Variants in LY96 observed in about 807,000 individuals in gnomAD.
LY96 encodes lymphocyte antigen 96.
A neutral mutation model predicts 18.9 loss-of-function variants in LY96; 18 were observed. The observed-to-expected ratio is 0.95, with a 90% CI of 0.66 to 1.41. The LOEUF (loss-of-function observed/expected upper bound fraction) is 1.41, where lower values mean the gene tolerates loss of function less well. Among genes scored for constraint, LY96 ranks in the 40% most tolerant of loss-of-function variants. The pLI, the probability that LY96 is intolerant of heterozygous loss-of-function variation, is 0.00. For missense variants in LY96, 175 were observed against 182.4 expected (o/e 0.96, Z 0.23); for synonymous variants, 66 against 62.6 (o/e 1.06, Z -0.26).
the LY96 span, among the ~76,000 whole-genome samples, chr8:74,078,561 G>T: frequency 2.0e-5 from 3 of 152,162 alleles, no homozygotes; most frequent in African/African-American, 7.2e-5. Context: ...TCTAAGTTAG[G>T]TTGTGTTGGG....
the LY96 span, among the ~76,000 whole-genome samples, chr8:74,055,198 A>G: frequency 6.6e-6 from 1 of 152,270 alleles, no homozygotes; most frequent in South Asian, 2.1e-4. Flanking sequence ...GTGAGCCACC[A>G]TACTCGGCCA....
In LY96 at chr8:74,004,517, T is replaced by C. The variant is rs113037498; in HGVS notation, c.113-279T>C. Reference sequence around the variant, plus strand: ...ACTGGCTTTGTTGAATCTGGTTTTGTGTTCTCCTTGCATGCAGGAGTCTTT... The same window carrying C: ...ACTGGCTTTGTTGAATCTGGTTTTGCGTTCTCCTTGCATGCAGGAGTCTTT... On this transcript the variant is annotated intron_variant, in intron 1 of 4. Transcript: ENST00000284818. Among the ~76,000 whole-genome samples the C allele has an allele frequency of 6.6e-5, 10 of 152,340 alleles. 1 individual carries two copies. Among genetic ancestry groups the C allele is most frequent in the African/African-American group, 2.4e-4 (10 of 41,592 alleles).
intron 3 of LY96, among the ~76,000 whole-genome samples, chr8:74,019,132 G>T (rs946498120): frequency 1.3e-5 from 2 of 152,040 alleles, no homozygotes; most frequent in African/African-American, 4.8e-5. Flanking sequence ...ATGAATCCAG[G>T]AGCTGATTTT....
At chr8:74,018,267 G>C (rs1017465690) in intron 3 of LY96, among the ~76,000 whole-genome samples, 7 of 152,080 alleles carry the variant, frequency 4.6e-5, no homozygotes, top group African/African-American at 1.7e-4. Flanking sequence ...AACAGGGGTT[G>C]CAATCCTAGT....
intron 3 of LY96, among the ~76,000 whole-genome samples, chr8:74,021,803 G>A (rs971407090): frequency 6.6e-6 from 1 of 152,016 alleles, no homozygotes; most frequent in African/African-American, 2.4e-5. Flanking sequence ...CCATCATTCT[G>A]AGCAAACTAT....
At chr8:74,047,152 T>A in the LY96 span, among the ~76,000 whole-genome samples, 1 of 152,180 alleles carries the variant, frequency 6.6e-6, no homozygotes, top group African/African-American at 2.4e-5. Context: ...CCTCCCAAAG[T>A]GCTGGGATTA....
At chr8:74,018,203 G>A (rs1816683387) in intron 3 of LY96, among the ~76,000 whole-genome samples, 1 of 150,700 alleles carries the variant, frequency 6.6e-6, no homozygotes, top group South Asian at 2.1e-4. Context: ...AGGGATGGAG[G>A]AAGATCTACC....
chr8:74,068,739 A>C, the LY96 span, among the ~76,000 whole-genome samples: 2 of 152,186 alleles, frequency 1.3e-5, no homozygotes, highest in African/African-American at 4.8e-5. Flanking sequence ...ATCTTCTCTT[A>C]TGAAGGATCT....
At chr8:74,025,613 C>T (rs1294890931) in intron 3 of LY96, among the ~76,000 whole-genome samples, 4 of 148,392 alleles carry the variant, frequency 2.7e-5, no homozygotes, top group African/African-American at 1.0e-4. Flanking sequence ...CAAGATTGTG[C>T]CACTGCACTC....
chr8:74,077,769 T>TA, the LY96 span, among the ~76,000 whole-genome samples: 1 of 151,628 alleles, frequency 6.6e-6, no homozygotes, highest in Non-Finnish European at 1.5e-5. Context: ...AATAAAACAT[T>TA]AAAAAAATAC....
the LY96 span, among the ~76,000 whole-genome samples, chr8:74,079,886 T>C: frequency 0.13 from 19,386 of 151,122 alleles, 2,366 homozygotes; most frequent in African/African-American, 0.33. Flanking sequence ...ACTTAAAAAA[T>C]GTGTGTGTGT....
the LY96 span, among the ~76,000 whole-genome samples, chr8:74,061,770 T>C: frequency 3.6e-3 from 543 of 152,348 alleles, 1 homozygote; most frequent in Non-Finnish European, 6.2e-3. Context: ...GTCAAATTGC[T>C]CTCCAAAATG....
chr8:74,004,687 A>G, intron 1 of LY96, 109 bp from the exon 2 acceptor site: 1 of 1,056,110 alleles, frequency 9.5e-7, no homozygotes, highest in Non-Finnish European at 1.4e-6. Context: ...AATTTTTCTT[A>G]TTTTATAATT....
At chr8:74,059,077 C>T in the LY96 span, among the ~76,000 whole-genome samples, 1 of 152,280 alleles carries the variant, frequency 6.6e-6, no homozygotes, top group Middle Eastern at 3.4e-3. Flanking sequence ...TTGGGGAAGG[C>T]CATCATCTTT....
the LY96 span, among the ~76,000 whole-genome samples, chr8:74,046,601 A>G: frequency 5.2e-3 from 793 of 152,294 alleles, 2 homozygotes; most frequent in Non-Finnish European, 8.8e-3. Flanking sequence ...GACAGGATAT[A>G]TGAATATTTT....
At chr8:74,038,322 A>T in the LY96 span, among the ~76,000 whole-genome samples, 1 of 152,132 alleles carries the variant, frequency 6.6e-6, no homozygotes, top group South Asian at 2.1e-4. Context: ...GTACCCATTA[A>T]CCAACCCCAC....
chr8:74,052,534 C>T, the LY96 span: 1 of 151,994 alleles, frequency 6.6e-6, no homozygotes, highest in Admixed American at 6.6e-5. Context: ...AGGCATGAGA[C>T]CTGGAAACTG....
the LY96 span, among the ~76,000 whole-genome samples, chr8:74,059,177 A>G: frequency 6.6e-6 from 1 of 152,234 alleles, no homozygotes. Flanking sequence ...ATCTGAGCAT[A>G]CTGTGGCCCA....
intron 1 of LY96, among the ~76,000 whole-genome samples, chr8:73,992,836 C>CTGTG (rs34327741): frequency 0.052 from 7,378 of 141,774 alleles, 331 homozygotes; most frequent in African/African-American, 0.12. Flanking sequence ...AATTATGCCA[C>CTGTG]TGTGTGTGTG....
Sources: gnomAD v4.1 joint callset for allele counts (sites outside exome capture counted in the v4.1 genomes callset) on GRCh38, gnomAD v4.1.1 for gene constraint, MANE v1.5 for transcripts, NCBI Gene and HGNC (gene_info 2026-07-23, HGNC 2026-07-21) for gene names.